The following ALDH3B1 variants were observed in gnomAD, a reference collection of about 807,000 sequenced individuals.
ALDH3B1 encodes the protein aldehyde dehydrogenase 3 family member B1.
Under a neutral mutation model 46.2 loss-of-function variants are expected in ALDH3B1, and 37 were observed. That is an observed-to-expected ratio of 0.80 (90% CI 0.62 to 1.05). ALDH3B1 has a LOEUF of 1.05. Ranked by LOEUF, ALDH3B1 falls within the 50% of genes least tolerant of loss-of-function variation. The pLI, the probability that ALDH3B1 is intolerant of heterozygous loss-of-function variation, is 0.00. For missense variants in ALDH3B1, 603 were observed against 665.5 expected, an observed-to-expected ratio of 0.91 and a Z score of 1.03; for synonymous variants, 283 against 281.0, an observed-to-expected ratio of 1.01 and a Z score of -0.07.
intron 9 of ALDH3B1, among the ~76,000 whole-genome samples, chr11:68,026,585 C>A (rs1000024444): frequency 6.6e-6 from 1 of 152,120 alleles, no homozygotes; most frequent in Non-Finnish European, 1.5e-5. Flanking sequence ...TCCTCCACCC[C>A]CCAGAGCAGC....
At chr11:68,013,091 T>C (rs1208078517) in intron 1 of ALDH3B1, among the ~76,000 whole-genome samples, 2 of 152,140 alleles carry the variant, frequency 1.3e-5, no homozygotes, top group Admixed American at 1.3e-4. Flanking sequence ...GTGTCCACAA[T>C]GGCTGCCCAG....
At chr11:68,018,698 C>A (rs766312412) in intron 3 of ALDH3B1, 61 bp downstream of exon 3, 167 of 1,548,880 alleles carry the variant, frequency 1.1e-4, no homozygotes, top group Non-Finnish European at 1.4e-4. Flanking sequence ...CACAGGGTGG[C>A]CCCTCTGGGT....
At chr11:68,025,883 C>A in intron 8 of ALDH3B1, 126 bp from the exon 9 acceptor site, 1 of 581,812 alleles carries the variant, frequency 1.7e-6, no homozygotes, top group Non-Finnish European at 2.8e-6. Context: ...CTTCAGCTGA[C>A]ATGGTGGCCT....
chr11:68,021,912 AC>A, intron 7 of ALDH3B1, 41 bp downstream of exon 7: 1 of 1,547,580 alleles, frequency 6.5e-7, no homozygotes, highest in Non-Finnish European at 8.7e-7. Context: ...CTGGGCCAAG[AC>A]CCCTCCTCAC....
In ALDH3B1 at chr11:68,027,939, A is replaced by C; in HGVS notation, c.1407A>C (p.Ter469CysextTer67). The C allele has an allele frequency of 1.9e-6, 3 of 1,554,136 alleles. No homozygotes were observed. Among genetic ancestry groups the C allele is most frequent in the Non-Finnish European group, 2.6e-6 (3 of 1,155,938 alleles). The change falls in exon 10 of 10, where the codon TGA (stop) becomes TGC (cysteine). Residue 469 changes from the stop codon to cysteine, a stop_lost. Coordinates refer to ENST00000342456, the MANE Select transcript of ALDH3B1 (RefSeq NM_000694.4). ...AAGGCTGCAGCTGCACACTGCTCTG[A>C]GCCCTTCCCCAGGCCCAGGCTGTAG... ...EAQGCSCTLL[*>C]
chr11:68,012,446 TC>T (rs1391662659), intron 1 of ALDH3B1, among the ~76,000 whole-genome samples: 1 of 151,860 alleles, frequency 6.6e-6, no homozygotes, highest in African/African-American at 2.4e-5. Context: ...ATGTGGCAAC[TC>T]CCCCCCACCC....
In ALDH3B1 at chr11:68,019,517, C is replaced by G. The variant is rs185505939; in HGVS notation, c.481-198C>G. On this transcript the variant is annotated intron_variant, in intron 5 of 9. Coordinates refer to ENST00000342456, the MANE Select transcript of ALDH3B1 (RefSeq NM_000694.4). The stretch of plus-strand genomic sequence containing the variant: ...CAGCCCCTCCAGCGCCAGCTGGACT[C>G]CAAGCTGGGCCTGCCAATGCCAGCC... 7.0e-3 allele frequency among the ~76,000 whole-genome samples: 1,069 copies of G among 152,310 alleles called. 6 individuals carry two copies. The highest frequency in any genetic ancestry group is 9.5e-3 in the Non-Finnish European group (648 of 68,008).
Position 68,018,520 on chromosome 11 carries a change from C to T in ALDH3B1, c.163-7C>T. On this transcript the variant is annotated splice_region_variant and splice_polypyrimidine_tract_variant and intron_variant, in intron 2 of 9. Transcript: ENST00000342456. ...TGGCCCACCCTGACCCCACCCACTT[C>T]CTGCAGTCAGCCTTCGAGTCGGAGG... is the stretch of plus-strand genomic sequence containing the variant. The T allele has an allele frequency of 6.6e-7, 1 of 1,512,018 alleles. No homozygotes were observed. The highest frequency in any genetic ancestry group is 1.9e-5 in the Admixed American group (1 of 51,984). 93.7% of individuals were successfully genotyped at this position (1,512,018 alleles called of 1,614,324 possible).
intron 5 of ALDH3B1, among the ~76,000 whole-genome samples, 182 bp downstream of exon 5, chr11:68,019,437 C>T (rs574748218): frequency 1.2e-4 from 18 of 152,340 alleles, no homozygotes; most frequent in South Asian, 4.1e-4. Context: ...TGAGGAGCAG[C>T]GAGGGCAGCC....
chr11:68,019,848 T>C (rs1857449028), intron 6 of ALDH3B1, 52 bp downstream of exon 6: 1 of 1,558,264 alleles, frequency 6.4e-7, no homozygotes, highest in Non-Finnish European at 8.8e-7. Context: ...GGACAGCTGC[T>C]CAGGGGTCCT....
At chr11:68,010,914 G>A (rs904661690) in intron 1 of ALDH3B1, among the ~76,000 whole-genome samples, 8 of 152,154 alleles carry the variant, frequency 5.3e-5, no homozygotes, top group African/African-American at 9.7e-5. Flanking sequence ...AGCCAGCCCC[G>A]CCCCGCCTGC....
At chr11:68,027,691 T>G in intron 9 of ALDH3B1, 58 bp from the exon 10 acceptor site, 1 of 1,517,626 alleles carries the variant, frequency 6.6e-7, no homozygotes. Context: ...TAGGCCCCAC[T>G]GTCTGTGACT....
At chr11:68,017,703 G>T (rs1218601581) in intron 2 of ALDH3B1, 1 of 152,294 alleles carries the variant, frequency 6.6e-6, no homozygotes, top group Non-Finnish European at 1.5e-5. Context: ...CTGGGCTGTG[G>T]GAACTGACAG....
chr11:68,014,967 G>T (rs1367695666), intron 1 of ALDH3B1: 1 of 291,000 alleles, frequency 3.4e-6, no homozygotes, highest in Non-Finnish European at 6.4e-6. Context: ...CGCTCTGCCT[G>T]CCTGCTCACC....
intron 1 of ALDH3B1, chr11:68,015,074 A>T (rs1857315160): frequency 2.1e-6 from 1 of 469,884 alleles, no homozygotes; most frequent in Non-Finnish European, 3.7e-6. Context: ...GAGGGTCTTC[A>T]TGTGTGTCTG....
chr11:68,009,557 T>C (rs768458126), upstream of ALDH3B1, among the ~76,000 whole-genome samples: 4 of 152,188 alleles, frequency 2.6e-5, no homozygotes, highest in Admixed American at 2.6e-4. Flanking sequence ...GGGGTCCACG[T>C]GAAAGGGTCG....
At chr11:68,019,111 G>A (rs1857425192) in intron 4 of ALDH3B1, 59 bp from the exon 5 acceptor site, 2 of 1,547,594 alleles carry the variant, frequency 1.3e-6, no homozygotes, top group Non-Finnish European at 1.8e-6. Context: ...CCCTGCAGGT[G>A]TGTGGAGACC....
At chr11:68,014,994 G>A (rs1857312798) in intron 1 of ALDH3B1, 3 of 331,310 alleles carry the variant, frequency 9.1e-6, no homozygotes, top group African/African-American at 6.4e-5. Context: ...GGCTGTGGTG[G>A]AGCAGCTGTC....
At position 68,027,948 on chromosome 11, in the gene ALDH3B1, C is replaced by T. The variant is rs753798617; in HGVS notation, c.*9C>T. On this transcript the variant is annotated 3_prime_UTR_variant, in exon 10 of 10. Transcript: ENST00000342456. ...GCTGCACACTGCTCTGAGCCCTTCCCCAGGCCCAGGCTGTAGACCACCATG... is the reference window on the plus strand; with the variant it reads ...GCTGCACACTGCTCTGAGCCCTTCCTCAGGCCCAGGCTGTAGACCACCATG... The T allele has an allele frequency of 3.2e-6, 5 of 1,552,304 alleles. No individual in the cohort carries two copies. In the South Asian group the frequency reaches 5.9e-5, roughly 18 times the overall value.
Sources: gnomAD v4.1 joint callset for allele counts (sites outside exome capture counted in the v4.1 genomes callset) on GRCh38, gnomAD v4.1.1 for gene constraint, MANE v1.5 for transcripts, NCBI Gene and HGNC (gene_info 2026-07-23, HGNC 2026-07-21) for gene names.